Variants in GBE1 observed in about 807,000 individuals in gnomAD.
The protein encoded by GBE1 is 1,4-alpha-glucan branching enzyme 1.
GBE1 carries 70 observed loss-of-function variants against 88.8 expected under a neutral mutation model. The observed-to-expected ratio is 0.79, with a 90% CI of 0.65 to 0.96. GBE1 has a LOEUF of 0.96. Among genes scored for constraint, GBE1 ranks in the 40% least tolerant of loss-of-function variants. GBE1 has a pLI of 0.00. For synonymous variants in GBE1, 284 were observed against 300.1 expected (o/e 0.95, Z 0.56); for missense variants, 872 against 871.0 (o/e 1.00, Z -0.01).
intron 2 of GBE1, among the ~76,000 whole-genome samples, chr3:81,675,206 A>G (rs1286538603): frequency 6.6e-6 from 1 of 152,042 alleles, no homozygotes; most frequent in African/African-American, 2.4e-5. Flanking sequence ...TTTGTGAGTA[A>G]TTTTCTAGAT....
In GBE1 at chr3:81,719,808, A is replaced by AT. The variant is rs568491456; in HGVS notation, c.144-14196dup. On this transcript the variant is annotated intron_variant, in intron 1 of 15. Transcript: ENST00000429644. Reference sequence around the variant, plus strand: ...GTAAAGTAAAAACTAACAAACACTAATTTTTTTACCTAAAACAATAATCAA... The same window carrying AT: ...GTAAAGTAAAAACTAACAAACACTAATTTTTTTTACCTAAAACAATAATCAA... Among the ~76,000 whole-genome samples, 226 of 152,206 alleles carry AT rather than the reference A, an allele frequency of 1.5e-3. 1 individual carries two copies. Among genetic ancestry groups the AT allele is most frequent in the African/African-American group, 5.3e-3 (221 of 41,542 alleles).
intron 2 of GBE1, among the ~76,000 whole-genome samples, chr3:81,703,923 C>CTA (rs1384578903): frequency 6.6e-6 from 1 of 151,912 alleles, no homozygotes; most frequent in African/African-American, 2.4e-5. Context: ...TATGCAAATA[C>CTA]TACATCATTT....
chr3:81,739,328 T>C (rs1272426243), intron 1 of GBE1, among the ~76,000 whole-genome samples: 1 of 152,184 alleles, frequency 6.6e-6, no homozygotes, highest in Non-Finnish European at 1.5e-5. Context: ...AGTGATTTTA[T>C]ATATGTAAAG....
chr3:81,563,928 A>C (rs1222411395), intron 12 of GBE1, among the ~76,000 whole-genome samples: 1 of 150,954 alleles, frequency 6.6e-6, no homozygotes, highest in Non-Finnish European at 1.5e-5. Context: ...GGAGTGAGGG[A>C]GGGAGGAAGG....
chr3:81,652,986 C>T (rs1297501269), intron 3 of GBE1, among the ~76,000 whole-genome samples: 1 of 152,088 alleles, frequency 6.6e-6, no homozygotes, highest in African/African-American at 2.4e-5. Flanking sequence ...TGTCAGCATG[C>T]TATGGAGCAA....
At chr3:81,503,603 T>C (rs1453873591) in intron 14 of GBE1, among the ~76,000 whole-genome samples, 2 of 152,088 alleles carry the variant, frequency 1.3e-5, no homozygotes, top group Non-Finnish European at 2.9e-5. Flanking sequence ...GTGACAGTAT[T>C]CAAAAGTAAG....
At chr3:81,737,933 T>G (rs1052225310) in intron 1 of GBE1, among the ~76,000 whole-genome samples, 2 of 151,756 alleles carry the variant, frequency 1.3e-5, no homozygotes, top group Non-Finnish European at 2.9e-5. Flanking sequence ...CCCCAGAGTG[T>G]GATGTTCCCC....
intron 2 of GBE1, among the ~76,000 whole-genome samples, chr3:81,688,588 A>T (rs1340530654): frequency 6.6e-6 from 1 of 152,190 alleles, no homozygotes; most frequent in Non-Finnish European, 1.5e-5. Context: ...ATTATATACT[A>T]AGATTATATT....
At chr3:81,617,053 T>C (rs547697152) in intron 7 of GBE1, among the ~76,000 whole-genome samples, 2 of 151,848 alleles carry the variant, frequency 1.3e-5, no homozygotes, top group East Asian at 1.9e-4. Flanking sequence ...ATTACTAGTA[T>C]ATAGAAATAC....
chr3:81,522,598 CTATT>C (rs1409851247), intron 14 of GBE1, among the ~76,000 whole-genome samples: 1 of 151,506 alleles, frequency 6.6e-6, no homozygotes, highest in East Asian at 1.9e-4. Context: ...CTCCCATTAC[CTATT>C]TAGACCATTA....
intron 1 of GBE1, among the ~76,000 whole-genome samples, chr3:81,750,534 T>C (rs1706482838): frequency 1.3e-5 from 1 of 75,994 alleles, no homozygotes; most frequent in Non-Finnish European, 2.2e-5. Flanking sequence ...CATATATATA[T>C]ATACGTATAT....
At chr3:81,539,998 A>G (rs1382820469) in intron 12 of GBE1, among the ~76,000 whole-genome samples, 1 of 151,936 alleles carries the variant, frequency 6.6e-6, no homozygotes, top group Non-Finnish European at 1.5e-5. Context: ...TGGCCAGCAT[A>G]CCAAGGAACT....
intron 12 of GBE1, among the ~76,000 whole-genome samples, chr3:81,568,213 T>A (rs1458924676): frequency 2.0e-5 from 3 of 152,192 alleles, no homozygotes; most frequent in Non-Finnish European, 4.4e-5. Context: ...AGTGGCACGA[T>A]CTGGTCTCAC....
chr3:81,508,333 T>G (rs1383821646), intron 14 of GBE1, among the ~76,000 whole-genome samples: 1 of 152,146 alleles, frequency 6.6e-6, no homozygotes, highest in East Asian at 1.9e-4. Context: ...TAGAAAAATG[T>G]GCTCACACTT....
intron 7 of GBE1, among the ~76,000 whole-genome samples, chr3:81,631,820 A>G (rs1281561233): frequency 6.6e-6 from 1 of 151,680 alleles, no homozygotes; most frequent in African/African-American, 2.4e-5. Flanking sequence ...TTTTTTTATT[A>G]TACTTTAAGT....
At chr3:81,710,998 GGA>G (rs1705857946) in intron 1 of GBE1, among the ~76,000 whole-genome samples, 2 of 152,266 alleles carry the variant, frequency 1.3e-5, no homozygotes, top group South Asian at 4.1e-4. Context: ...GGGGCGGCAG[GGA>G]GTTACTACTA....
intron 7 of GBE1, among the ~76,000 whole-genome samples, chr3:81,623,671 T>C (rs536290779): frequency 6.6e-6 from 1 of 152,242 alleles, no homozygotes; most frequent in South Asian, 2.1e-4. Context: ...TGAGACAGCG[T>C]TTCACTCTGT....
At chr3:81,591,453 A>G (rs1234899925) in intron 8 of GBE1, among the ~76,000 whole-genome samples, 1 of 152,184 alleles carries the variant, frequency 6.6e-6, no homozygotes, top group African/African-American at 2.4e-5. Flanking sequence ...AAGTGAAATC[A>G]TACTAAAGGG....
At chr3:81,531,404 A>G (rs1559635963) in intron 14 of GBE1, among the ~76,000 whole-genome samples, 1 of 151,144 alleles carries the variant, frequency 6.6e-6, no homozygotes, top group Non-Finnish European at 1.5e-5. Context: ...GTCTCTTCCC[A>G]TGGCCAACAC....
Sources: gnomAD v4.1 joint callset for allele counts (sites outside exome capture counted in the v4.1 genomes callset) on GRCh38, gnomAD v4.1.1 for gene constraint, MANE v1.5 for transcripts, NCBI Gene and HGNC (gene_info 2026-07-23, HGNC 2026-07-21) for gene names.